RTKN2: variants seen among roughly 807,000 people sequenced by gnomAD.
RTKN2 encodes rhotekin-2.
Under a neutral mutation model 71.5 loss-of-function variants are expected in RTKN2, and 69 were observed. The ratio of observed to expected loss-of-function variants is 0.96; its 90% confidence interval spans 0.79 to 1.18. RTKN2 has a LOEUF of 1.18. Among genes scored for constraint, RTKN2 ranks in the 50% most tolerant of loss-of-function variants. The pLI, the probability that RTKN2 is intolerant of heterozygous loss-of-function variation, is 0.00. For synonymous variants in RTKN2, 236 were observed against 236.5 expected (o/e 1.00, Z 0.02); for missense variants, 724 against 719.7 (o/e 1.01, Z -0.07).
intron 10 of RTKN2, among the ~76,000 whole-genome samples, chr10:62,202,422 C>T (rs1476530275): frequency 6.6e-6 from 1 of 152,192 alleles, no homozygotes; most frequent in East Asian, 1.9e-4. Context: ...TACCATACTT[C>T]AACCAGGATC....
intron 6 of RTKN2, among the ~76,000 whole-genome samples, chr10:62,226,838 A>G (rs907451532): frequency 2.6e-5 from 4 of 152,224 alleles, no homozygotes; most frequent in African/African-American, 7.2e-5. Flanking sequence ...GCTCACGCCT[A>G]TAATGCCAGA....
chr10:62,209,727 G>C (rs566306611), intron 9 of RTKN2, among the ~76,000 whole-genome samples: 1 of 152,134 alleles, frequency 6.6e-6, no homozygotes, highest in Non-Finnish European at 1.5e-5. Context: ...TTGGTTTTCT[G>C]TTCCTGTGTT....
intron 7 of RTKN2, among the ~76,000 whole-genome samples, chr10:62,219,039 C>G (rs1477538301): frequency 2.0e-5 from 3 of 151,892 alleles, no homozygotes; most frequent in Admixed American, 1.3e-4. Context: ...CTTAAGATAA[C>G]TTCATCAACA....
At chr10:62,248,947 C>T (rs1256955887) in intron 2 of RTKN2, among the ~76,000 whole-genome samples, 2 of 152,086 alleles carry the variant, frequency 1.3e-5, no homozygotes, top group African/African-American at 2.4e-5. Context: ...TTATAAAATC[C>T]TTTACCTCTG....
At chr10:62,230,298 A>C (rs1176163850) in intron 6 of RTKN2, among the ~76,000 whole-genome samples, 1 of 151,896 alleles carries the variant, frequency 6.6e-6, no homozygotes, top group African/African-American at 2.4e-5. Flanking sequence ...CAGCCTCCCA[A>C]GTAGCTAGGA....
At chr10:62,184,261 A>C in exon 9 of RTKN2, 23 of 1,090,694 alleles carry the variant, frequency 2.1e-5, no homozygotes, top group Non-Finnish European at 3.0e-5. Context: ...ACATTCTACT[A>C]GAGAAATGTC....
Position 62,229,886 on chromosome 10 carries a change from G to A in RTKN2, c.686+6180C>T, listed in dbSNP as rs534828565. 2.0e-5 allele frequency among the ~76,000 whole-genome samples: 3 copies of A among 152,086 alleles called. No individual in the cohort carries two copies. In the East Asian group the frequency reaches 5.8e-4, roughly 29 times the overall value. ...TCCAATGAATGACACATAACAATAT[G>A]AAAAAAATTATTGATAGCCTCCTCT... On this transcript the variant is annotated intron_variant, in intron 6 of 11. Coordinates refer to ENST00000373789, the MANE Select transcript of RTKN2 (RefSeq NM_145307.4).
intron 2 of RTKN2, among the ~76,000 whole-genome samples, chr10:62,247,006 T>C (rs1485726651): frequency 6.6e-6 from 1 of 152,010 alleles, no homozygotes; most frequent in Non-Finnish European, 1.5e-5. Flanking sequence ...TCTTTGTATT[T>C]TTCATTCCTA....
chr10:62,256,824 C>A (rs796610466), intron 2 of RTKN2, among the ~76,000 whole-genome samples: 28 of 151,750 alleles, frequency 1.8e-4, no homozygotes, highest in African/African-American at 6.8e-4. Context: ...GTAATTTTTA[C>A]GTATGTAAAT....
chr10:62,268,511 C>A (rs1209045227), intron 1 of RTKN2, 40 bp downstream of exon 1: 2 of 1,539,426 alleles, frequency 1.3e-6, no homozygotes, highest in Non-Finnish European at 1.8e-6. Flanking sequence ...AGAACCCCGG[C>A]TCCCTCACCT....
At chr10:62,254,608 A>G (rs548435344) in intron 2 of RTKN2, among the ~76,000 whole-genome samples, 31 of 152,222 alleles carry the variant, frequency 2.0e-4, no homozygotes, top group South Asian at 2.1e-4. Context: ...CACACAAAGA[A>G]CTGCAAAGAA....
intron 6 of RTKN2, among the ~76,000 whole-genome samples, chr10:62,233,083 A>G (rs1403271397): frequency 6.6e-6 from 1 of 152,176 alleles, no homozygotes; most frequent in African/African-American, 2.4e-5. Flanking sequence ...GTTTCTGAAA[A>G]GCTTTCTAAA....
chr10:62,240,851 T>C (rs182790824), intron 4 of RTKN2, among the ~76,000 whole-genome samples: 25 of 152,328 alleles, frequency 1.6e-4, no homozygotes, highest in Admixed American at 7.8e-4. Context: ...TCGCTAAACA[T>C]TTTCTTTTGT....
intron 1 of RTKN2, among the ~76,000 whole-genome samples, chr10:62,267,346 G>A (rs1203765963): frequency 6.6e-6 from 1 of 152,092 alleles, no homozygotes; most frequent in African/African-American, 2.4e-5. Context: ...CTTGCAGCCT[G>A]CAGCTCAATA....
At chr10:62,218,980 C>A (rs1424349469) in intron 7 of RTKN2, among the ~76,000 whole-genome samples, 1 of 112,648 alleles carries the variant, frequency 8.9e-6, no homozygotes, top group African/African-American at 3.2e-5. Flanking sequence ...AGCAAGACTC[C>A]ATCTCAAAAA....
intron 2 of RTKN2, among the ~76,000 whole-genome samples, chr10:62,255,421 T>C (rs1842656770): frequency 6.6e-6 from 1 of 152,152 alleles, no homozygotes; most frequent in African/African-American, 2.4e-5. Context: ...GAATGGATCG[T>C]CTTTTTGTGT....
chr10:62,187,721 C>A (rs377553843), intron 8 of RTKN2, among the ~76,000 whole-genome samples: 21 of 152,098 alleles, frequency 1.4e-4, no homozygotes, highest in African/African-American at 4.8e-4. Context: ...AAAAAACTGG[C>A]CTGTGCCCTC....
intron 6 of RTKN2, among the ~76,000 whole-genome samples, chr10:62,232,399 C>G (rs1338628991): frequency 6.7e-6 from 1 of 150,268 alleles, no homozygotes; most frequent in Non-Finnish European, 1.5e-5. Flanking sequence ...ACTTTAGCCT[C>G]AACCTCCCAG....
chr10:62,226,014 C>T (rs1842015556), intron 6 of RTKN2, among the ~76,000 whole-genome samples: 2 of 152,132 alleles, frequency 1.3e-5, no homozygotes, highest in African/African-American at 2.4e-5. Flanking sequence ...GATCTCCTGA[C>T]CTCATGATCC....
Sources: allele counts gnomAD v4.1 joint callset (sites outside exome capture counted in the v4.1 genomes callset), GRCh38; gene constraint gnomAD v4.1.1; transcripts MANE v1.5; gene names NCBI Gene and HGNC (gene_info 2026-07-23, HGNC 2026-07-21).